OSBPL9: variants seen among roughly 807,000 people sequenced by gnomAD.
OSBPL9 encodes oxysterol binding protein like 9.
In OSBPL9, 40 loss-of-function variants were observed where a neutral mutation model predicts 106.6. The observed-to-expected ratio is 0.38, with a 90% CI of 0.29 to 0.49. OSBPL9 has a LOEUF of 0.49. Among genes scored for constraint, OSBPL9 ranks in the 20% least tolerant of loss-of-function variants. The probability of loss-of-function intolerance (pLI) is 0.97; values close to 1 mark genes in which losing one functional copy is unlikely to be tolerated. For synonymous variants in OSBPL9, 269 were observed against 295.4 expected, an observed-to-expected ratio of 0.91 and a Z score of 0.92; for missense variants, 609 against 887.2, an observed-to-expected ratio of 0.69 and a Z score of 3.98.
chr1:51,669,895 TTGTC>T (rs1457188933), intron 3 of OSBPL9: 8 of 441,898 alleles, frequency 1.8e-5, no homozygotes, highest in Admixed American at 5.2e-5. Context: ...GTTGCAGTGT[TTGTC>T]TGTGTAAAAC....
At chr1:51,581,327 C>T (rs925203896) in intron 1 of OSBPL9, among the ~76,000 whole-genome samples, 1 of 152,118 alleles carries the variant, frequency 6.6e-6, no homozygotes, top group African/African-American at 2.4e-5. Flanking sequence ...CATTCTCATC[C>T]CATCATATTA....
chr1:51,731,925 G>C (rs1028605460), intron 4 of OSBPL9, among the ~76,000 whole-genome samples: 3 of 152,206 alleles, frequency 2.0e-5, no homozygotes. Flanking sequence ...GATGAATTTG[G>C]AAGTGCCCTT....
intron 1 of OSBPL9, among the ~76,000 whole-genome samples, chr1:51,635,505 T>A (rs1431322943): frequency 6.6e-6 from 1 of 152,210 alleles, no homozygotes; most frequent in Non-Finnish European, 1.5e-5. Flanking sequence ...AGAATAGCTA[T>A]CTCAAAATAT....
At chr1:51,590,297 C>T (rs1645267898) in intron 1 of OSBPL9, among the ~76,000 whole-genome samples, 1 of 151,610 alleles carries the variant, frequency 6.6e-6, no homozygotes, top group Non-Finnish European at 1.5e-5. Flanking sequence ...GTGGCTTGGG[C>T]TAGGTCGGTA....
chr1:51,778,208 A>T (rs547577698), intron 15 of OSBPL9, among the ~76,000 whole-genome samples: 2 of 152,342 alleles, frequency 1.3e-5, no homozygotes, highest in East Asian at 3.9e-4. Context: ...AAACGGAATC[A>T]TACAAATACT....
chr1:51,595,427 T>C (rs1029628476), intron 1 of OSBPL9, among the ~76,000 whole-genome samples: 3 of 152,164 alleles, frequency 2.0e-5, no homozygotes, highest in African/African-American at 7.2e-5. Flanking sequence ...GAAACCACGA[T>C]GATATCTGTT....
At chr1:51,721,743 T>C (rs535047753) in intron 4 of OSBPL9, among the ~76,000 whole-genome samples, 3 of 152,326 alleles carry the variant, frequency 2.0e-5, no homozygotes, top group South Asian at 4.1e-4. Context: ...TATTTTCATA[T>C]CATGTAGAAA....
chr1:51,762,130 T>C (rs1671650962), intron 11 of OSBPL9, among the ~76,000 whole-genome samples, 159 bp downstream of exon 11: 1 of 152,216 alleles, frequency 6.6e-6, no homozygotes, highest in African/African-American at 2.4e-5. Context: ...CATGAAGTGG[T>C]TAGCTTTGTG....
At chr1:51,613,159 A>G (rs1325998049), upstream of OSBPL9, among the ~76,000 whole-genome samples, 1 of 152,222 alleles carries the variant, frequency 6.6e-6, no homozygotes, top group East Asian at 1.9e-4. Flanking sequence ...TAGGACTACA[A>G]AGATAAGGCC....
intron 1 of OSBPL9, among the ~76,000 whole-genome samples, chr1:51,640,400 G>A (rs1039631878): frequency 6.6e-6 from 1 of 152,318 alleles, no homozygotes; most frequent in African/African-American, 2.4e-5. Context: ...AAAGCTTGCA[G>A]TCCTGTTGGA....
chr1:51,613,029 G>A (rs560860829), upstream of OSBPL9, among the ~76,000 whole-genome samples: 1 of 152,218 alleles, frequency 6.6e-6, no homozygotes, highest in Non-Finnish European at 1.5e-5. Context: ...AGGAAACAAC[G>A]TAACTCATGG....
intron 1 of OSBPL9, among the ~76,000 whole-genome samples, chr1:51,642,778 G>A (rs557733804): frequency 6.6e-6 from 1 of 152,238 alleles, no homozygotes; most frequent in South Asian, 2.1e-4. Context: ...ACTGCTCCAG[G>A]CTGTAACCTT....
Position 51,747,553 on chromosome 1 carries a change from C to CTTTTTTTTT in OSBPL9, c.463-800_463-792dup, listed in dbSNP as rs746109312. 2.1e-3 allele frequency among the ~76,000 whole-genome samples: 87 copies of CTTTTTTTTT among 42,368 alleles called. 1 individual carries two copies. The highest frequency in any genetic ancestry group is 2.5e-3 in the Non-Finnish European group (52 of 20,680). The allele number at this position is 42,368 out of a possible 152,430, so 27.8% of individuals were successfully genotyped here. A position where few individuals can be genotyped will look rare whatever the true frequency, so the allele number is the denominator to read the frequency against. On this transcript the variant is annotated intron_variant, in intron 6 of 23. Coordinates refer to ENST00000428468, the MANE Select transcript of OSBPL9 (RefSeq NM_024586.6). ...TAATTAACATTTTTCCTCTCCTTGG[C>CTTTTTTTTT]TTTTTTTTTTTTTTTTTTTTTTTTG...
chr1:51,748,759 G>A (rs1668568786), intron 7 of OSBPL9, among the ~76,000 whole-genome samples: 1 of 152,174 alleles, frequency 6.6e-6, no homozygotes, highest in East Asian at 1.9e-4. Flanking sequence ...TCAACTCCTG[G>A]GCTCAAGCGA....
At chr1:51,616,328 C>A (rs1246030271), upstream of OSBPL9, among the ~76,000 whole-genome samples, 5 of 152,078 alleles carry the variant, frequency 3.3e-5, no homozygotes, top group African/African-American at 9.7e-5. Context: ...GTGATCTATC[C>A]CTACTTCTTT....
intron 3 of OSBPL9, among the ~76,000 whole-genome samples, chr1:51,682,829 ATTT>A (rs1292117134): frequency 3.5e-5 from 5 of 142,022 alleles, no homozygotes; most frequent in Admixed American, 7.1e-5. Context: ...TTCCTTTCTA[ATTT>A]TTTTTTTTTT....
chr1:51,562,421 T>C, the OSBPL9 span, among the ~76,000 whole-genome samples: 1 of 152,204 alleles, frequency 6.6e-6, no homozygotes, highest in Non-Finnish European at 1.5e-5. Context: ...GCTTTCTGTA[T>C]AGCTATAGCC....
At chr1:51,756,898 A>G (rs1670459668) in intron 9 of OSBPL9, 1 of 152,080 alleles carries the variant, frequency 6.6e-6, no homozygotes. Flanking sequence ...CCTCTCTCTT[A>G]TCTTTTTACC....
rs763088278 is a variant in OSBPL9 at position 51,789,182 on chromosome 1, A to T, written c.*1393A>T. On this transcript the variant is annotated 3_prime_UTR_variant, in exon 24 of 24. Coordinates refer to ENST00000428468, the MANE Select transcript of OSBPL9 (RefSeq NM_024586.6). The stretch of plus-strand genomic sequence containing the variant: ...AGTATAACTAACTCCATAAAATACA[A>T]ACAAACACATTTTAAAATACACATT... The T allele has an allele frequency of 2.0e-6, 3 of 1,537,776 alleles. No homozygotes were observed. Among genetic ancestry groups the T allele is most frequent in the Non-Finnish European group, 2.7e-6 (3 of 1,111,688 alleles).
Sources: allele counts gnomAD v4.1 joint callset (sites outside exome capture counted in the v4.1 genomes callset), GRCh38; gene constraint gnomAD v4.1.1; transcripts MANE v1.5; gene names NCBI Gene and HGNC (gene_info 2026-07-23, HGNC 2026-07-21).